MALRD1: variants seen among roughly 807,000 people sequenced by gnomAD.
MALRD1 encodes the protein MAM and LDL-receptor class A domain-containing protein 1.
A neutral mutation model predicts 242.1 loss-of-function variants in MALRD1; 247 were observed. That is an observed-to-expected ratio of 1.02 (90% CI 0.92 to 1.13). The LOEUF is 1.13. MALRD1 is among the 50% of genes most tolerant of loss of function. MALRD1 has a pLI of 0.00. For missense variants in MALRD1, 2,989 were observed against 2,533.1 expected (o/e 1.18, Z -3.86); for synonymous variants, 995 against 866.6 (o/e 1.15, Z -2.60).
chr10:19,099,142 C>CT (rs1836155709), intron 4 of MALRD1, among the ~76,000 whole-genome samples: 1 of 152,048 alleles, frequency 6.6e-6, no homozygotes, highest in Non-Finnish European at 1.5e-5. Context: ...CCCAGGTAGC[C>CT]TTTTTTTATT....
chr10:19,627,906 A>C (rs1839737157), intron 36 of MALRD1, among the ~76,000 whole-genome samples: 1 of 152,176 alleles, frequency 6.6e-6, no homozygotes, highest in Non-Finnish European at 1.5e-5. Flanking sequence ...AACTAGACAC[A>C]CATTATTTAC....
At chr10:19,582,335 C>G (rs1837171197) in intron 33 of MALRD1, among the ~76,000 whole-genome samples, 1 of 149,816 alleles carries the variant, frequency 6.7e-6, no homozygotes, top group Non-Finnish European at 1.5e-5. Flanking sequence ...AGGTTTTCTT[C>G]TAGGGTTTTT....
chr10:19,250,049 C>G (rs952955553), intron 18 of MALRD1, among the ~76,000 whole-genome samples: 3 of 151,748 alleles, frequency 2.0e-5, no homozygotes, highest in Non-Finnish European at 4.4e-5. Context: ...AACTCCTTTC[C>G]TTAAATATTA....
intron 28 of MALRD1, among the ~76,000 whole-genome samples, chr10:19,424,200 G>C (rs1031404464): frequency 6.6e-6 from 1 of 151,720 alleles, no homozygotes; most frequent in Non-Finnish European, 1.5e-5. Flanking sequence ...CTGTTGCCCA[G>C]CCAGGGTGGA....
intron 33 of MALRD1, among the ~76,000 whole-genome samples, chr10:19,568,386 C>T (rs902426338): frequency 6.6e-6 from 1 of 151,904 alleles, no homozygotes; most frequent in African/African-American, 2.4e-5. Context: ...CCTAACACTC[C>T]TACTCAAAGT....
Position 19,389,516 on chromosome 10 carries a change from T to C in MALRD1, c.4752T>C (p.Ser1584=), listed in dbSNP as rs1326543598. The C allele has an allele frequency of 1.3e-6, 2 of 1,550,512 alleles. No homozygotes were observed. The highest frequency in any genetic ancestry group is 8.7e-7 in the Non-Finnish European group (1 of 1,146,946). ...GLRGDKAHFR[S]TMWRESSAAC... is the part of the protein sequence containing the mutation. ...GGGGTGACAAAGCACACTTCAGGAG[T>C]ACCATGTGGCGAGAATCCAGTGCAG... The change falls in exon 28 of 40, where the codon AGT becomes AGC. Residue 1584 remains serine, a synonymous_variant. Transcript: ENST00000454679.
Position 19,209,661 on chromosome 10 carries a change from C to G in MALRD1, c.2972C>G (p.Ser991Cys). The stretch of plus-strand genomic sequence containing the variant: ...TGGATTAGGAAACACCTCAACATTT[C>G]CAGCAGGCAGCCCTTTCAGGTATGG... ...NRWIRKHLNI[S>C]SRQPFQILVE... Residue 991 changes from serine (S) to cysteine (C), a missense_variant, in exon 18 of 40, where the codon TCC becomes TGC. Coordinates refer to ENST00000454679, the MANE Select transcript of MALRD1 (RefSeq NM_001142308.3). 3 of 1,549,038 alleles carry G rather than the reference C, an allele frequency of 1.9e-6. No homozygotes were observed. Among genetic ancestry groups the G allele is most frequent in the Non-Finnish European group, 2.6e-6 (3 of 1,146,056 alleles).
chr10:19,308,861 A>G (rs1366559197), intron 21 of MALRD1, among the ~76,000 whole-genome samples: 2 of 151,640 alleles, frequency 1.3e-5, no homozygotes, highest in African/African-American at 4.8e-5. Context: ...TTAATCTTAA[A>G]AACAATTATT....
In MALRD1 at chr10:19,088,183, C is replaced by T. The variant is rs1178816837; in HGVS notation, c.595C>T (p.Gln199Ter). 2 of 1,233,070 alleles carry T rather than the reference C, an allele frequency of 1.6e-6. No individual in the cohort carries two copies. The highest frequency in any genetic ancestry group is 2.0e-6 in the Non-Finnish European group (2 of 987,658). 76.4% of individuals were successfully genotyped at this position (1,233,070 alleles called of 1,614,324 possible). ...CAAAATCCAGAGTTCACAGAGATTTCAGGTATGTGTGTTCTATTTTCTAAC... is the reference window on the plus strand; with the variant it reads ...CAAAATCCAGAGTTCACAGAGATTTTAGGTATGTGTGTTCTATTTTCTAAC... ...VIKIQSSQRFQVVFEGQMAST... is the reference protein window; with the variant it reads ...VIKIQSSQRF The change falls in exon 4 of 40, where the codon CAG (glutamine) becomes TAG (stop). Residue 199 changes from glutamine (Q) to a stop codon, truncating the protein, a stop_gained and splice_region_variant. Coordinates refer to ENST00000454679, the MANE Select transcript of MALRD1 (RefSeq NM_001142308.3). LOFTEE classifies it high-confidence loss of function.
chr10:19,049,016 C>T lies in MALRD1; in HGVS notation c.78C>T (p.Phe26=), dbSNP rs1834408903. 1 of 1,233,924 alleles carries T rather than the reference C, an allele frequency of 8.1e-7. No individual in the cohort carries two copies. Among genetic ancestry groups the T allele is most frequent in the East Asian group, 3.2e-5 (1 of 31,704 alleles). 76.4% of individuals were successfully genotyped at this position (1,233,924 alleles called of 1,614,324 possible). A position where few individuals can be genotyped will look rare whatever the true frequency, so the allele number is the denominator to read the frequency against. Residue 26 remains phenylalanine (F), a synonymous_variant, in exon 1 of 40, where the codon TTC becomes TTT. Coordinates refer to ENST00000454679, the MANE Select transcript of MALRD1 (RefSeq NM_001142308.3). ...GTTGCCTTTGGATTGCCTGTGTTTT[C>T]AATTCTACACTGGCTCAGCAAGGGA... ...TFCCLWIACV[F]NSTLAQQGTE...
At chr10:19,608,714 G>A (rs1405775801) in intron 35 of MALRD1, among the ~76,000 whole-genome samples, 3 of 152,030 alleles carry the variant, frequency 2.0e-5, no homozygotes, top group Non-Finnish European at 2.9e-5. Context: ...GATATATGTT[G>A]TAAGAATGAT....
chr10:19,577,075 T>C (rs1002757603), intron 33 of MALRD1, among the ~76,000 whole-genome samples: 2 of 151,962 alleles, frequency 1.3e-5, no homozygotes, highest in Non-Finnish European at 2.9e-5. Flanking sequence ...AGTAGGTATG[T>C]ATTGTATGTA....
At chr10:19,455,513 T>G (rs978648390) in intron 29 of MALRD1, among the ~76,000 whole-genome samples, 12 of 152,188 alleles carry the variant, frequency 7.9e-5, no homozygotes, top group Admixed American at 2.0e-4. Flanking sequence ...TCTTTTGCCT[T>G]ATGTTTTTCA....
At chr10:19,657,226 C>T (rs1015240801) in intron 36 of MALRD1, among the ~76,000 whole-genome samples, 1 of 152,174 alleles carries the variant, frequency 6.6e-6, no homozygotes, top group African/African-American at 2.4e-5. Flanking sequence ...CTATCTTCAG[C>T]TTTTGCTTTG....
At chr10:19,589,710 T>G (rs929501467) in intron 33 of MALRD1, among the ~76,000 whole-genome samples, 1 of 152,136 alleles carries the variant, frequency 6.6e-6, no homozygotes, top group African/African-American at 2.4e-5. Context: ...ATGTTTTTAT[T>G]TTCTCATCTC....
intron 38 of MALRD1, 55 bp from the exon 39 acceptor site, chr10:19,730,651 G>A (rs1177071440): frequency 5.4e-6 from 8 of 1,485,422 alleles, no homozygotes; most frequent in African/African-American, 2.8e-5. Flanking sequence ...ACCTGAAAAT[G>A]TACTATGGTA....
intron 38 of MALRD1, among the ~76,000 whole-genome samples, chr10:19,707,293 G>A (rs1480695998): frequency 6.6e-6 from 1 of 151,786 alleles, no homozygotes; most frequent in East Asian, 1.9e-4. Flanking sequence ...TTTTAGCCCA[G>A]CCCAATGCAC....
chr10:19,648,500 A>C (rs1024624633), intron 36 of MALRD1, among the ~76,000 whole-genome samples: 8 of 152,294 alleles, frequency 5.3e-5, no homozygotes, highest in African/African-American at 1.7e-4. Context: ...CCATGCTTTC[A>C]CAAGTTTCAA....
At chr10:19,322,050 A>G (rs1158059676) in intron 21 of MALRD1, among the ~76,000 whole-genome samples, 3 of 152,176 alleles carry the variant, frequency 2.0e-5, no homozygotes, top group Non-Finnish European at 2.9e-5. Context: ...GTAGAACTCA[A>G]TTTCCTGGTG....
Sources: allele counts gnomAD v4.1 joint callset (sites outside exome capture counted in the v4.1 genomes callset), GRCh38; gene constraint gnomAD v4.1.1; transcripts MANE v1.5; gene names NCBI Gene and HGNC (gene_info 2026-07-23, HGNC 2026-07-21).